The following MRTFB variants were observed in gnomAD, a reference collection of about 807,000 sequenced individuals.
MRTFB encodes myocardin-related transcription factor B.
A neutral mutation model predicts 104.2 loss-of-function variants in MRTFB; 29 were observed. That is an observed-to-expected ratio of 0.28 (90% CI 0.21 to 0.38). The LOEUF is 0.38. MRTFB is among the 10% of genes least tolerant of loss of function. The pLI, the probability that MRTFB is intolerant of heterozygous loss-of-function variation, is 1.00. For missense variants in MRTFB, 1,270 were observed against 1,341.6 expected (o/e 0.95, Z 0.83); for synonymous variants, 535 against 519.5 (o/e 1.03, Z -0.41).
At chr16:14,058,712 G>GTTTTTTTTTTTTTTT in the MRTFB span, among the ~76,000 whole-genome samples, 2 of 86,846 alleles carry the variant, frequency 2.3e-5, no homozygotes, top group Non-Finnish European at 4.4e-5. Context: ...ATTTGTATTT[G>GTTTTTTTTTTTTTTT]TTTTTTTTTT....
rs530823140 is a variant in MRTFB at position 14,159,346 on chromosome 16, A to G, written c.154+18586A>G. On this transcript the variant is annotated intron_variant, in intron 3 of 16. Coordinates refer to ENST00000571589, the MANE Select transcript of MRTFB (RefSeq NM_001308142.2). The stretch of plus-strand genomic sequence containing the variant: ...CTTTTGAAGGTACTCAGCTAAATGA[A>G]TGAAGAAATTTTAAAAATTTCTCTA... 2.5e-3 allele frequency among the ~76,000 whole-genome samples: 375 copies of G among 152,342 alleles called. 4 individuals carry two copies. The highest frequency in any genetic ancestry group is 2.3e-3 in the Non-Finnish European group (156 of 68,034).
chr16:14,085,007 T>G (rs73513162), intron 2 of MRTFB, among the ~76,000 whole-genome samples: 4,062 of 152,180 alleles, frequency 0.027, 185 homozygotes, highest in African/African-American at 0.092. Context: ...AAGAAAAAAT[T>G]AGCAAGGCAT....
At chr16:14,008,870 T>C in the MRTFB span, among the ~76,000 whole-genome samples, 3 of 152,122 alleles carry the variant, frequency 2.0e-5, no homozygotes, top group Non-Finnish European at 2.9e-5. Flanking sequence ...TTATATAGTT[T>C]TGCAATGTAA....
chr16:14,222,411 TTTTTTTGTGTGA>T (rs2041770551), intron 8 of MRTFB, among the ~76,000 whole-genome samples: 1 of 151,962 alleles, frequency 6.6e-6, no homozygotes, highest in Non-Finnish European at 1.5e-5. Context: ...ACATTATGAG[TTTTTTTGTGTGA>T]TTTTTTTTTT....
Position 14,261,074 on chromosome 16 carries a change from G to C in MRTFB, c.2930G>C (p.Ser977Thr). 1 of 1,614,202 alleles carries C rather than the reference G, an allele frequency of 6.2e-7. No individual in the cohort carries two copies. Among genetic ancestry groups the C allele is most frequent in the South Asian group, 1.1e-5 (1 of 91,078 alleles). The change falls in exon 17 of 17, where the codon AGC becomes ACC. Residue 977 changes from serine to threonine, a missense_variant. By Grantham distance (58) the Ser-to-Thr change is moderately conservative (BLOSUM62 1). Around this residue, in one of 3 missense-constraint regions of MRTFB, gnomAD observed 1,144 missense variants for 1,131.5 expected, o/e 1.01. Coordinates refer to ENST00000571589, the MANE Select transcript of MRTFB (RefSeq NM_001308142.2). Reference sequence around the variant, plus strand: ...GAACCTATGGGCAGTTTATCTGCCAGCTTAGAGAACCAACTAGAAGCTTTC... The same window carrying C: ...GAACCTATGGGCAGTTTATCTGCCACCTTAGAGAACCAACTAGAAGCTTTC... ...SLEPMGSLSA[S>T]LENQLEAFLD...
At chr16:14,248,890 CAATTA>C (rs1448059747) in intron 12 of MRTFB, 31 bp from the exon 13 acceptor site, 1 of 1,605,404 alleles carries the variant, frequency 6.2e-7, no homozygotes, top group Non-Finnish European at 8.5e-7. Flanking sequence ...TTGATTCTGA[CAATTA>C]AATTGATGTT....
chr16:14,189,106 G>A (rs556986780), intron 3 of MRTFB, among the ~76,000 whole-genome samples: 5 of 152,188 alleles, frequency 3.3e-5, no homozygotes, highest in Non-Finnish European at 7.3e-5. Flanking sequence ...CTAAAATAAT[G>A]TATGTAGACA....
intron 2 of MRTFB, among the ~76,000 whole-genome samples, chr16:14,096,708 G>A (rs140207674): frequency 3.3e-5 from 5 of 152,242 alleles, no homozygotes; most frequent in Admixed American, 2.6e-4. Flanking sequence ...CTCTAAAATC[G>A]ACAGTAAAGA....
At chr16:14,143,708 AGT>A (rs1491100084) in intron 3 of MRTFB, 1 of 151,742 alleles carries the variant, frequency 6.6e-6, no homozygotes, top group Non-Finnish European at 1.5e-5. Context: ...TTCACAAAAC[AGT>A]TTTTTTTTTT....
At chr16:14,140,209 T>G (rs1315644464) in intron 2 of MRTFB, among the ~76,000 whole-genome samples, 1 of 152,246 alleles carries the variant, frequency 6.6e-6, no homozygotes, top group Non-Finnish European at 1.5e-5. Flanking sequence ...GCCAGACTAC[T>G]TCTTTATTTT....
At position 14,180,413 on chromosome 16, in the gene MRTFB, T is replaced by C. The variant is rs113985923; in HGVS notation, c.155-29830T>C. Among the ~76,000 whole-genome samples, 588 of 152,356 alleles carry C rather than the reference T, an allele frequency of 3.9e-3. 2 individuals are homozygous for C. The highest frequency in any genetic ancestry group is 6.8e-3 in the Middle Eastern group (2 of 294). The stretch of plus-strand genomic sequence containing the variant: ...GAGGAAAGTTCTTTGTTGTAAATCT[T>C]GTAGTCAGTTGTATTTATATAAGTA... On this transcript the variant is annotated intron_variant, in intron 3 of 16. Coordinates refer to ENST00000571589, the MANE Select transcript of MRTFB (RefSeq NM_001308142.2).
At chr16:14,003,721 C>T in the MRTFB span, among the ~76,000 whole-genome samples, 1 of 148,372 alleles carries the variant, frequency 6.7e-6, no homozygotes, top group East Asian at 2.0e-4. Flanking sequence ...CCCTCCCTGC[C>T]ATGCTACAAT....
intron 2 of MRTFB, among the ~76,000 whole-genome samples, chr16:14,139,407 T>C (rs2037881148): frequency 6.6e-6 from 1 of 152,152 alleles, no homozygotes; most frequent in African/African-American, 2.4e-5. Context: ...AGACTGACCA[T>C]ATGAAGTACC....
chr16:14,236,475 G>GTT (rs1254768053), intron 9 of MRTFB, among the ~76,000 whole-genome samples: 14 of 152,140 alleles, frequency 9.2e-5, no homozygotes, highest in Non-Finnish European at 1.8e-4. Context: ...CCACCCTTAG[G>GTT]GTAAACAGAC....
chr16:14,072,111 A>G (rs752143351), intron 1 of MRTFB, among the ~76,000 whole-genome samples: 5 of 152,096 alleles, frequency 3.3e-5, no homozygotes, highest in Non-Finnish European at 7.4e-5. Flanking sequence ...AGGCAAAGGA[A>G]ACTCTTCTCT....
At chr16:14,004,865 CCT>C in the MRTFB span, among the ~76,000 whole-genome samples, 4 of 152,236 alleles carry the variant, frequency 2.6e-5, no homozygotes, top group Non-Finnish European at 5.9e-5. Flanking sequence ...TTCCATCTAC[CCT>C]GGTCAGCATA....
In MRTFB at chr16:14,258,108, A is replaced by T. The variant is rs114283484; in HGVS notation, c.2711A>T (p.Asn904Ile). The T allele has an allele frequency of 6.2e-7, 1 of 1,613,886 alleles. No homozygotes were observed. Among genetic ancestry groups the T allele is most frequent in the Non-Finnish European group, 8.5e-7 (1 of 1,179,798 alleles). ...STQAPLPEIS[N>I]AHSQQMDDLF... The stretch of plus-strand genomic sequence containing the variant: ...TACTCTCCTTCATTGTAGATTTCCA[A>T]CGCTCACAGTCAGCAGATGGATGAC... The change falls in exon 16 of 17, where the codon AAC becomes ATC. Residue 904 changes from asparagine (N) to isoleucine (I), a missense_variant. Asn to Ile is a moderately radical substitution (Grantham distance 149). Coordinates refer to ENST00000571589, the MANE Select transcript of MRTFB (RefSeq NM_001308142.2).
rs538888432 is a variant in MRTFB, at chr16:14,256,417, G to A, written c.2704-1684G>A. 3.9e-5 allele frequency among the ~76,000 whole-genome samples: 6 copies of A among 152,248 alleles called. 1 individual carries two copies. Among genetic ancestry groups the A allele is most frequent in the East Asian group, 3.9e-4 (2 of 5,178 alleles). On this transcript the variant is annotated intron_variant, in intron 15 of 16. Coordinates refer to ENST00000571589, the MANE Select transcript of MRTFB (RefSeq NM_001308142.2). ...CATTCCTCTCTGGGTTGGATTTAGC[G>A]ACTCACTTCTAACAAACAGAATTGG... is the stretch of plus-strand genomic sequence containing the variant.
chr16:14,187,038 C>T (rs772508613), intron 3 of MRTFB: 2 of 1,593,322 alleles, frequency 1.3e-6, no homozygotes, highest in Non-Finnish European at 1.7e-6. Flanking sequence ...CAAGGAAGGT[C>T]AGTCTGTCTG....
Sources: allele counts gnomAD v4.1 joint callset (sites outside exome capture counted in the v4.1 genomes callset), GRCh38; gene constraint gnomAD v4.1.1; regional missense constraint gnomAD v4.1.1; transcripts MANE v1.5; gene names NCBI Gene and HGNC (gene_info 2026-07-23, HGNC 2026-07-21).